VRK2: variants seen among roughly 807,000 people sequenced by gnomAD.
The protein encoded by VRK2 is serine/threonine-protein kinase VRK2.
Under a neutral mutation model 57.6 loss-of-function variants are expected in VRK2, and 60 were observed. The ratio of observed to expected loss-of-function variants is 1.04; its 90% CI spans 0.85 to 1.29. The LOEUF (loss-of-function observed/expected upper bound fraction) is 1.29. Among genes scored for constraint, VRK2 ranks in the 50% most tolerant of loss-of-function variants. The pLI, the probability that VRK2 is intolerant of heterozygous loss-of-function variation, is 0.00. For synonymous variants in VRK2, 231 were observed against 199.2 expected (o/e 1.16, Z -1.35); for missense variants, 705 against 588.1 (o/e 1.20, Z -2.06).
At chr2:57,920,280 G>C (rs1430556298) in intron 1 of VRK2, among the ~76,000 whole-genome samples, 1 of 152,036 alleles carries the variant, frequency 6.6e-6, no homozygotes, top group Non-Finnish European at 1.5e-5. Context: ...CCTCTGTTTA[G>C]TTGACTCATA....
chr2:58,110,662 A>G (rs921833305), intron 7 of VRK2, among the ~76,000 whole-genome samples: 2 of 152,182 alleles, frequency 1.3e-5, no homozygotes, highest in African/African-American at 4.8e-5. Flanking sequence ...TTTTGGAGGC[A>G]GGAAATCTAA....
chr2:57,940,884 T>C (rs1160792661), intron 1 of VRK2, among the ~76,000 whole-genome samples: 2 of 150,404 alleles, frequency 1.3e-5, no homozygotes, highest in African/African-American at 2.4e-5. Flanking sequence ...CATCCTGCTC[T>C]CCAAAAAAAA....
At chr2:58,147,054 T>G (rs777117532) in intron 12 of VRK2, 7 of 455,016 alleles carry the variant, frequency 1.5e-5, no homozygotes, top group Non-Finnish European at 3.1e-5. Context: ...TTTATATGAT[T>G]TATACACCAT....
At chr2:58,008,548 G>C (rs1220957423) in intron 1 of VRK2, among the ~76,000 whole-genome samples, 1 of 151,832 alleles carries the variant, frequency 6.6e-6, no homozygotes. Context: ...AAGGAAGGCA[G>C]AAGGAAGGTA....
At chr2:58,136,880 TATCATATATATGTGTA>T (rs1469712666) in intron 10 of VRK2, among the ~76,000 whole-genome samples, 1,932 of 116,920 alleles carry the variant, frequency 0.017, 144 homozygotes, top group African/African-American at 0.063. Flanking sequence ...TCATATATTA[TATCATATATATGTGTA>T]TATATATCAT....
intron 1 of VRK2, among the ~76,000 whole-genome samples, chr2:57,956,243 G>C (rs1018704443): frequency 6.6e-6 from 1 of 152,018 alleles, no homozygotes; most frequent in African/African-American, 2.4e-5. Context: ...AAATCTGCTG[G>C]GCATGGTGAT....
chr2:57,922,094 T>G (rs1028400165), intron 1 of VRK2, among the ~76,000 whole-genome samples: 2 of 152,060 alleles, frequency 1.3e-5, no homozygotes, highest in Non-Finnish European at 2.9e-5. Context: ...AAACTTTAGG[T>G]TTTCCTAAGG....
chr2:58,136,243 C>G (rs1679991589), intron 10 of VRK2, among the ~76,000 whole-genome samples: 1 of 152,146 alleles, frequency 6.6e-6, no homozygotes, highest in Admixed American at 6.5e-5. Context: ...TCCCCTTTCT[C>G]TAGTACTTTT....
In VRK2 at chr2:58,048,047, A is replaced by T. The variant is rs530852360; in HGVS notation, c.-5-780A>T. Among the ~76,000 whole-genome samples, 129 of 152,258 alleles carry T rather than the reference A, an allele frequency of 8.5e-4. 1 individual carries two copies. The highest frequency in any genetic ancestry group is 1.7e-3 in the Non-Finnish European group (114 of 68,010). On this transcript the variant is annotated intron_variant, in intron 1 of 12. Coordinates refer to ENST00000340157, the MANE Select transcript of VRK2 (RefSeq NM_006296.7). ...TGGCATATGTATTTTCCCCTAAGAA[A>T]TTTTCTCTTTTAACTCAGAATTTCC...
chr2:57,994,546 C>G (rs925982587), intron 1 of VRK2, among the ~76,000 whole-genome samples: 2 of 152,050 alleles, frequency 1.3e-5, no homozygotes, highest in African/African-American at 4.8e-5. Context: ...TCTGAAAGAT[C>G]GAGAAACAAA....
chr2:57,916,445 T>C (rs903237615), intron 1 of VRK2, among the ~76,000 whole-genome samples: 1 of 149,286 alleles, frequency 6.7e-6, no homozygotes, highest in Non-Finnish European at 1.5e-5. Flanking sequence ...TAAAGAACCA[T>C]AGTCAACTAT....
At chr2:58,110,470 A>G (rs1675394224) in intron 7 of VRK2, among the ~76,000 whole-genome samples, 1 of 152,208 alleles carries the variant, frequency 6.6e-6, no homozygotes, top group East Asian at 1.9e-4. Context: ...GTTCACAAGA[A>G]TCATTCATAT....
chr2:58,039,666 T>C (rs926008860), intron 3 of VRK2, among the ~76,000 whole-genome samples: 2 of 152,078 alleles, frequency 1.3e-5, no homozygotes, highest in Non-Finnish European at 1.5e-5. Flanking sequence ...GTGTTTGTTA[T>C]ACTGTTAATT....
chr2:58,048,551 G>A (rs1675222143), intron 1 of VRK2: 1 of 1,381,214 alleles, frequency 7.2e-7, no homozygotes, highest in African/African-American at 1.5e-5. Context: ...GTTAATATGT[G>A]CTATAGAACC....
At chr2:58,096,985 T>A (rs940545164) in intron 7 of VRK2, among the ~76,000 whole-genome samples, 5 of 152,044 alleles carry the variant, frequency 3.3e-5, no homozygotes, top group Non-Finnish European at 7.4e-5. Context: ...AATATTGTTT[T>A]TATTAATGCC....
intron 1 of VRK2, among the ~76,000 whole-genome samples, chr2:57,995,415 G>A (rs183456409): frequency 3.9e-5 from 6 of 152,170 alleles, no homozygotes; most frequent in South Asian, 4.1e-4. Context: ...ATTTTTTCTC[G>A]AAAGCTCAAA....
intron 1 of VRK2, among the ~76,000 whole-genome samples, chr2:57,958,362 C>T (rs1283040493): frequency 6.6e-6 from 1 of 151,374 alleles, no homozygotes; most frequent in Non-Finnish European, 1.5e-5. Flanking sequence ...GCATCTGGTC[C>T]CAGTTAATTT....
At chr2:58,136,871 CAT>C (rs767666272) in intron 10 of VRK2, among the ~76,000 whole-genome samples, 41 of 124,520 alleles carry the variant, frequency 3.3e-4, no homozygotes, top group South Asian at 7.1e-4. Flanking sequence ...GTATATATAT[CAT>C]ATATTATATC....
At chr2:58,035,252 A>G (rs1350109618) in intron 3 of VRK2, among the ~76,000 whole-genome samples, 1 of 151,970 alleles carries the variant, frequency 6.6e-6, no homozygotes, top group Non-Finnish European at 1.5e-5. Flanking sequence ...TAAAAATATT[A>G]TATTGGACAT....
Sources: allele counts gnomAD v4.1 joint callset (sites outside exome capture counted in the v4.1 genomes callset), GRCh38; gene constraint gnomAD v4.1.1; transcripts MANE v1.5; gene names NCBI Gene and HGNC (gene_info 2026-07-23, HGNC 2026-07-21).